Variants in LRRC9 observed in about 807,000 individuals in gnomAD.
LRRC9 encodes leucine-rich repeat-containing protein 9.
In LRRC9, 122 loss-of-function variants were observed where a neutral mutation model predicts 63.2. That is an observed-to-expected ratio of 1.93 (90% CI 1.67 to 2.24). The LOEUF (loss-of-function observed/expected upper bound fraction) is 2.24, where lower values mean the gene tolerates loss of function less well. Ranked by LOEUF, LRRC9 falls within the 30% of genes most tolerant of loss-of-function variation. The pLI, the probability that LRRC9 is intolerant of heterozygous loss-of-function variation, is 0.00. For missense variants in LRRC9, 1,071 were observed against 627.7 expected, an observed-to-expected ratio of 1.71 and a Z score of -7.55; for synonymous variants, 366 against 213.1, an observed-to-expected ratio of 1.72 and a Z score of -6.25.
At position 60,060,467 on chromosome 14, in the gene LRRC9, G is replaced by A. The variant is rs1331101660; in HGVS notation, c.4276+2445G>A. Among the ~76,000 whole-genome samples, 2 of 152,104 alleles carry A rather than the reference G, an allele frequency of 1.3e-5. No homozygotes were observed. The highest frequency in any genetic ancestry group is 4.8e-5 in the African/African-American group (2 of 41,424). On this transcript the variant is annotated intron_variant, in intron 31 of 31. Coordinates refer to ENST00000445360, the Ensembl canonical transcript of LRRC9. The surrounding 1 kb of genome is among the most constrained non-coding windows in gnomAD (Gnocchi z 4.0). Reference sequence around the variant, plus strand: ...CATAGACAGTGATTCCTAACCGGGCGCGATGGCTCACGCTTGTAATCCCAG... The same window carrying A: ...CATAGACAGTGATTCCTAACCGGGCACGATGGCTCACGCTTGTAATCCCAG...
In LRRC9 at chr14:59,942,733, A is replaced by C. The variant is rs1176805960; in HGVS notation, c.727-1856A>C. 6.6e-6 allele frequency among the ~76,000 whole-genome samples: 1 copy of C among 152,146 alleles called. No homozygotes were observed. Among genetic ancestry groups the C allele is most frequent in the Non-Finnish European group, 1.5e-5 (1 of 67,998 alleles). On this transcript the variant is annotated intron_variant, in intron 7 of 31. Transcript: ENST00000445360. This position sits in a 1 kb window ranked among gnomAD's most constrained non-coding sequence, Gnocchi z 5.3. ...ACAGAGTGAGACTCCGTCTCAAAAA[A>C]AAGAGTTCCCTTTGCTCTGCATCCT...
At chr14:59,960,154 G>A in intron 9 of LRRC9, 140 bp downstream of exon 9, 1 of 503,988 alleles carries the variant, frequency 2.0e-6, no homozygotes, top group Non-Finnish European at 3.5e-6. Flanking sequence ...TATATTCTTA[G>A]TACTAGTTCC....
Position 59,940,680 on chromosome 14 carries a change from G to A in LRRC9, c.726+2108G>A, listed in dbSNP as rs143451123. Among the ~76,000 whole-genome samples the A allele has an allele frequency of 1.6e-3, 242 of 152,184 alleles. 2 individuals carry two copies. The highest frequency in any genetic ancestry group is 2.5e-3 in the Non-Finnish European group (171 of 67,968). ...AGGGTTGTTTTGGGGGAGCCAATGAGTTAATGTACATAAAAGCCCATTTTA... is the reference window on the plus strand; with the variant it reads ...AGGGTTGTTTTGGGGGAGCCAATGAATTAATGTACATAAAAGCCCATTTTA... On this transcript the variant is annotated intron_variant, in intron 7 of 31. Transcript: ENST00000445360.
intron 7 of LRRC9, among the ~76,000 whole-genome samples, chr14:59,941,802 G>C (rs1353150816): frequency 6.6e-6 from 1 of 151,974 alleles, no homozygotes; most frequent in African/African-American, 2.4e-5. Flanking sequence ...TATTCTTTCT[G>C]TCGTGAACAT....
At chr14:59,981,362 C>T (rs182244914) in intron 15 of LRRC9, among the ~76,000 whole-genome samples, 20 of 152,204 alleles carry the variant, frequency 1.3e-4, no homozygotes, top group Non-Finnish European at 2.6e-4. Flanking sequence ...AGAGCCAGTT[C>T]TGTTTGTTCA....
At chr14:59,960,000 C>A (rs1460260958) in exon 9 of LRRC9, 2 of 661,706 alleles carry the variant, frequency 3.0e-6, no homozygotes, top group South Asian at 1.7e-5. Flanking sequence ...CATTCTGGAA[C>A]AAAAAACTAG....
intron 12 of LRRC9, among the ~76,000 whole-genome samples, chr14:59,970,884 T>G (rs1408547601): frequency 6.6e-6 from 1 of 152,118 alleles, no homozygotes; most frequent in Non-Finnish European, 1.5e-5. Flanking sequence ...ATTGTCTGTT[T>G]ACTCTGTTGT....
At chr14:60,049,924 TC>T (rs1430137231) in intron 29 of LRRC9, among the ~76,000 whole-genome samples, 1 of 152,186 alleles carries the variant, frequency 6.6e-6, no homozygotes, top group Non-Finnish European at 1.5e-5. Flanking sequence ...TTTTATATAA[TC>T]CCATATTTCT....
At chr14:59,956,478 TC>T (rs1883765018) in intron 8 of LRRC9, among the ~76,000 whole-genome samples, 1 of 152,184 alleles carries the variant, frequency 6.6e-6, no homozygotes, top group South Asian at 2.1e-4. Context: ...TTTTTTACTT[TC>T]CATTTGCTTG....
Position 60,051,307 on chromosome 14 carries a change from CG to C in LRRC9, c.3991-1757del, listed in dbSNP as rs1188955998. On this transcript the variant is annotated intron_variant, in intron 29 of 31. Transcript: ENST00000445360. The surrounding 1 kb of genome is among the most constrained non-coding windows in gnomAD (Gnocchi z 4.7). ...CTCCAGGCCCCCCACAAGGGGGCCC[CG>C]CCCAGTGAGGAAGAATGGATCAGGG... 6.6e-6 allele frequency among the ~76,000 whole-genome samples: 1 copy of C among 152,188 alleles called. No individual in the cohort carries two copies. Among genetic ancestry groups the C allele is most frequent in the Non-Finnish European group, 1.5e-5 (1 of 68,016 alleles).
intron 19 of LRRC9, among the ~76,000 whole-genome samples, chr14:60,000,371 T>C (rs1366936407): frequency 5.9e-5 from 9 of 152,116 alleles, no homozygotes; most frequent in Non-Finnish European, 2.9e-5. Context: ...GGTTCAATCC[T>C]ACCCCAAACC....
exon 24 of LRRC9, chr14:60,016,730 G>C: frequency 1.4e-6 from 1 of 700,898 alleles, no homozygotes; most frequent in Non-Finnish European, 2.6e-6. Flanking sequence ...ATTGCAGAAC[G>C]ACAAGGACAT....
intron 30 of LRRC9, among the ~76,000 whole-genome samples, chr14:60,054,550 T>A (rs538503510): frequency 1.3e-5 from 2 of 152,300 alleles, no homozygotes; most frequent in African/African-American, 4.8e-5. Flanking sequence ...TTTTTCCACA[T>A]GCCTTTAAAT....
At chr14:60,041,081 T>C (rs1401911904) in intron 29 of LRRC9, among the ~76,000 whole-genome samples, 3 of 151,946 alleles carry the variant, frequency 2.0e-5, no homozygotes, top group African/African-American at 7.3e-5. Context: ...ATGTTGAATA[T>C]TGGTCCCCAC....
intron 12 of LRRC9, chr14:59,969,425 T>C (rs1353152153): frequency 6.6e-6 from 1 of 152,202 alleles, no homozygotes; most frequent in African/African-American, 2.4e-5. Flanking sequence ...GAAACATCAG[T>C]GTGTAGCATG....
chr14:60,044,874 C>T (rs932604614), intron 29 of LRRC9, among the ~76,000 whole-genome samples: 1 of 151,972 alleles, frequency 6.6e-6, no homozygotes, highest in Non-Finnish European at 1.5e-5. Flanking sequence ...TTCATGACTG[C>T]GAATGGGATA....
At chr14:60,045,637 G>A (rs1013829220) in intron 29 of LRRC9, among the ~76,000 whole-genome samples, 2 of 152,118 alleles carry the variant, frequency 1.3e-5, no homozygotes, top group African/African-American at 4.8e-5. Flanking sequence ...GTATTCCATG[G>A]TTTAAATGTA....
At chr14:59,970,272 A>G (rs1334659600) in intron 12 of LRRC9, among the ~76,000 whole-genome samples, 3 of 151,920 alleles carry the variant, frequency 2.0e-5, no homozygotes, top group Non-Finnish European at 2.9e-5. Context: ...AACTCCATCC[A>G]TGTTCCTGGA....
At chr14:59,956,714 T>A (rs1431564379) in intron 8 of LRRC9, among the ~76,000 whole-genome samples, 1 of 152,242 alleles carries the variant, frequency 6.6e-6, no homozygotes, top group Non-Finnish European at 1.5e-5. Context: ...CATTAATTTA[T>A]GCAGTTTCTT....
Sources: allele counts gnomAD v4.1 joint callset (sites outside exome capture counted in the v4.1 genomes callset), GRCh38; gene constraint gnomAD v4.1.1; non-coding constraint Gnocchi (gnomAD v3.1); transcripts MANE v1.5; gene names NCBI Gene and HGNC (gene_info 2026-07-23, HGNC 2026-07-21).